The following MORN1 variants were observed in gnomAD, a reference collection of about 807,000 sequenced individuals.
The protein encoded by MORN1 is MORN repeat-containing protein 1.
In MORN1, 67 loss-of-function variants were observed where a neutral mutation model predicts 61.9. That is an observed-to-expected ratio of 1.08 (90% CI 0.89 to 1.33). The LOEUF (loss-of-function observed/expected upper bound fraction) is 1.33. Ranked by LOEUF, MORN1 falls within the 40% of genes most tolerant of loss-of-function variation. MORN1 has a pLI of 0.00. For synonymous variants in MORN1, 301 were observed against 292.0 expected (o/e 1.03, Z -0.31); for missense variants, 752 against 691.2 (o/e 1.09, Z -0.99).
intron 12 of MORN1, among the ~76,000 whole-genome samples, chr1:2,329,459 C>A (rs753997728): frequency 6.6e-6 from 1 of 152,216 alleles, no homozygotes; most frequent in Non-Finnish European, 1.5e-5. Flanking sequence ...TCCCTGCAGC[C>A]GATCCCATTG....
chr1:2,322,595 G>T, intron 13 of MORN1: 1 of 985,362 alleles, frequency 1.0e-6, no homozygotes, highest in South Asian at 4.7e-5. Context: ...TCGCCAGGGG[G>T]ACACACGTTC....
At chr1:2,322,045 T>C in intron 13 of MORN1, 1 of 985,394 alleles carries the variant, frequency 1.0e-6, no homozygotes, top group Non-Finnish European at 1.2e-6. Flanking sequence ...CTGGTGTGTC[T>C]GGTTTGCTTT....
intron 12 of MORN1, among the ~76,000 whole-genome samples, chr1:2,324,352 G>A (rs535683279): frequency 6.6e-5 from 10 of 152,326 alleles, no homozygotes. Context: ...GGAACCGTGG[G>A]CTGCCCTGTG....
intron 1 of MORN1, chr1:2,390,633 A>C: frequency 2.0e-6 from 2 of 985,392 alleles, no homozygotes; most frequent in Non-Finnish European, 1.2e-6. Context: ...GGGTTACTAC[A>C]GGCTACTGTA....
intron 6 of MORN1, among the ~76,000 whole-genome samples, chr1:2,381,497 G>A (rs1025186022): frequency 6.6e-6 from 1 of 152,144 alleles, no homozygotes; most frequent in African/African-American, 2.4e-5. Flanking sequence ...CTCAAGCCAC[G>A]GGCCTGCCTG....
chr1:2,330,344 A>G (rs1432591102), intron 12 of MORN1, among the ~76,000 whole-genome samples: 1 of 152,218 alleles, frequency 6.6e-6, no homozygotes, highest in Non-Finnish European at 1.5e-5. Flanking sequence ...TGCTGGCTCC[A>G]AGGCCATTCT....
chr1:2,350,009 T>C (rs1044331639), intron 10 of MORN1, among the ~76,000 whole-genome samples: 6 of 152,142 alleles, frequency 3.9e-5, no homozygotes, highest in African/African-American at 1.2e-4. Context: ...GGCCTGACAA[T>C]GTACACCCGC....
chr1:2,358,520 C>T, intron 9 of MORN1, 72 bp downstream of exon 9: 1 of 1,593,972 alleles, frequency 6.3e-7, no homozygotes, highest in African/African-American at 1.3e-5. Flanking sequence ...GAAAAAAGGA[C>T]AAGGAATTAA....
chr1:2,383,932 G>A (rs895833574), intron 6 of MORN1, among the ~76,000 whole-genome samples: 4 of 152,210 alleles, frequency 2.6e-5, no homozygotes, highest in African/African-American at 9.6e-5. Flanking sequence ...AGCCCAAGCA[G>A]CAACCACACC....
intron 8 of MORN1, among the ~76,000 whole-genome samples, chr1:2,367,180 T>C (rs567441397): frequency 6.6e-6 from 1 of 151,770 alleles, no homozygotes; most frequent in South Asian, 2.1e-4. Context: ...ATTACCTTGA[T>C]AGCAAAACTA....
At chr1:2,360,672 G>A (rs572998324) in intron 8 of MORN1, among the ~76,000 whole-genome samples, 39 of 152,320 alleles carry the variant, frequency 2.6e-4, no homozygotes, top group Non-Finnish European at 4.9e-4. Context: ...CCTGCAGCCC[G>A]CAGGAGGCCC....
intron 10 of MORN1, among the ~76,000 whole-genome samples, chr1:2,349,864 A>G (rs555007220): frequency 6.6e-6 from 1 of 152,334 alleles, no homozygotes; most frequent in Admixed American, 6.5e-5. Context: ...TCCGTTGAAA[A>G]TATTCACTGG....
At chr1:2,390,609 G>A in intron 1 of MORN1, 1 of 985,414 alleles carries the variant, frequency 1.0e-6, no homozygotes, top group Non-Finnish European at 1.2e-6. Context: ...GAAAATGTCG[G>A]GGAGGAGGGC....
At chr1:2,329,152 T>C (rs752263325) in intron 12 of MORN1, among the ~76,000 whole-genome samples, 16 of 152,086 alleles carry the variant, frequency 1.1e-4, no homozygotes, top group Admixed American at 2.6e-4. Flanking sequence ...CTTGCCGGTG[T>C]GGGTGTGCGA....
chr1:2,354,262 G>A (rs1641712528), intron 10 of MORN1, among the ~76,000 whole-genome samples: 1 of 152,106 alleles, frequency 6.6e-6, no homozygotes, highest in Non-Finnish European at 1.5e-5. Context: ...GCCCCTTCTC[G>A]TGAGGGGTTA....
intron 12 of MORN1, 100 bp from the exon 13 acceptor site, chr1:2,324,243 C>T: frequency 7.7e-7 from 1 of 1,293,640 alleles, no homozygotes. Context: ...AGGGCAGATT[C>T]AGGGCCCCAG....
intron 12 of MORN1, among the ~76,000 whole-genome samples, chr1:2,324,923 G>A (rs1052435637): frequency 6.6e-6 from 1 of 151,892 alleles, no homozygotes; most frequent in Admixed American, 6.6e-5. Flanking sequence ...GGGCCCTGAG[G>A]ACGTGGCCAT....
intron 12 of MORN1, among the ~76,000 whole-genome samples, chr1:2,325,125 T>TCCTC (rs1640982186): frequency 3.2e-5 from 1 of 30,792 alleles, no homozygotes; most frequent in Non-Finnish European, 5.8e-5. Context: ...TTCCTTCCCT[T>TCCTC]CCTTCCTTCC....
intron 13 of MORN1, chr1:2,323,003 G>T: frequency 2.0e-6 from 2 of 985,454 alleles, no homozygotes; most frequent in Non-Finnish European, 2.4e-6. Flanking sequence ...CCCTGAATCG[G>T]ATCTCCCTTC....
Sources: allele counts gnomAD v4.1 joint callset (sites outside exome capture counted in the v4.1 genomes callset), GRCh38; gene constraint gnomAD v4.1.1; transcripts MANE v1.5; gene names NCBI Gene and HGNC (gene_info 2026-07-23, HGNC 2026-07-21).